CSPG4: variants seen among roughly 807,000 people sequenced by gnomAD.
The protein encoded by CSPG4 is chondroitin sulfate proteoglycan 4, also known as chondroitin sulfate proteoglycan 4 (melanoma-associated).
A neutral mutation model predicts 139.3 loss-of-function variants in CSPG4; 74 were observed. The ratio of observed to expected loss-of-function variants is 0.53; its 90% CI spans 0.44 to 0.64. The LOEUF (loss-of-function observed/expected upper bound fraction) is 0.64. Among genes scored for constraint, CSPG4 ranks in the 30% least tolerant of loss-of-function variants. The pLI is 0.00. For synonymous variants in CSPG4, 1,234 were observed against 1,394.2 expected, an observed-to-expected ratio of 0.89 and a Z score of 2.56; for missense variants, 2,565 against 3,148.3, an observed-to-expected ratio of 0.81 and a Z score of 4.43.
chr15:75,684,040 C>T (rs1047224021), intron 5 of CSPG4, among the ~76,000 whole-genome samples: 3 of 151,756 alleles, frequency 2.0e-5, no homozygotes, highest in Admixed American at 6.6e-5. Context: ...CCCCCACCCC[C>T]GCCCCAGGCA....
At position 75,689,498 on chromosome 15, in the gene CSPG4, A is replaced by T; in HGVS notation, c.1567T>A (p.Ser523Thr). Reference protein sequence around the residue: ...DTSDQLVLEVSVTARVPMPSC... With the variant: ...DTSDQLVLEVTVTARVPMPSC... ...GGCATGGGCACCCGAGCCGTCACCGACACCTCCAGCACCAGCTGGTCGGAG... is the reference window on the plus strand; with the variant it reads ...GGCATGGGCACCCGAGCCGTCACCGTCACCTCCAGCACCAGCTGGTCGGAG... The change falls in exon 3 of 10, where the codon TCG (serine) becomes ACG (threonine). Residue 523 changes from serine to threonine, a missense_variant. Coordinates refer to ENST00000308508, the MANE Select transcript of CSPG4 (RefSeq NM_001897.5). 6.2e-7 allele frequency: 1 copy of T among 1,612,578 alleles called. No individual in the cohort carries two copies. Among genetic ancestry groups the T allele is most frequent in the Non-Finnish European group, 8.5e-7 (1 of 1,179,832 alleles).
At chr15:75,712,214 C>G (rs58175618) in intron 1 of CSPG4, among the ~76,000 whole-genome samples, 1 of 148,694 alleles carries the variant, frequency 6.7e-6, no homozygotes, top group Non-Finnish European at 1.5e-5. Flanking sequence ...GCTCATTCCT[C>G]GTTTCCCACC....
chr15:75,683,035 C>T lies in CSPG4; in HGVS notation c.4456G>A (p.Glu1486Lys). The T allele has an allele frequency of 3.1e-6, 5 of 1,609,692 alleles. No individual in the cohort carries two copies. Among genetic ancestry groups the T allele is most frequent in the Admixed American group, 1.7e-5 (1 of 59,956 alleles). ...LTTNTGLQMW[E>K]GATAPIPAEA... ...GCAGGGATGGGCGCAGTGGCCCCCT[C>T]CCACATCTGGGAACACAGGCCTGTG... Residue 1486 changes from glutamate to lysine, a missense_variant, in exon 6 of 10, where the codon GAG (glutamate) becomes AAG (lysine). By Grantham distance (56) the Glu-to-Lys change is moderately conservative. Around this residue, in one of 5 missense-constraint regions of CSPG4, gnomAD observed 2,316 missense variants for 2,818.2 expected, o/e 0.82. Coordinates refer to ENST00000308508, the MANE Select transcript of CSPG4 (RefSeq NM_001897.5).
intron 1 of CSPG4, among the ~76,000 whole-genome samples, chr15:75,710,115 A>T (rs981377075): frequency 1.3e-5 from 2 of 151,930 alleles, no homozygotes; most frequent in Non-Finnish European, 2.9e-5. Flanking sequence ...AGATACCCCC[A>T]TCAGTTCTGA....
chr15:75,676,545 C>T lies in CSPG4; in HGVS notation c.5974G>A (p.Val1992Met). 1 of 1,613,762 alleles carries T rather than the reference C, an allele frequency of 6.2e-7. No individual in the cohort carries two copies. The highest frequency in any genetic ancestry group is 8.5e-7 in the Non-Finnish European group (1 of 1,179,974). ...IQGPQYGHLL[V>M]GGRPTSAFSQ... ...AAGGCCGAGGTGGGCCGCCCGCCCA[C>T]CAGGAGATGCCCATACTGGGGTCCC... The change falls in exon 10 of 10, where the codon GTG becomes ATG. Residue 1992 changes from valine to methionine, a missense_variant. Val to Met is a conservative substitution (Grantham distance 21). Coordinates refer to ENST00000308508, the MANE Select transcript of CSPG4 (RefSeq NM_001897.5).
rs1255720907 is a variant in CSPG4, at chr15:75,692,556, G to A, written c.252+514C>T. ...TGAAATGGAAAAATGAGGAAGCTGAGGCAGTACTGGTGCTGTTACTGTCGT... is the reference window on the plus strand; with the variant it reads ...TGAAATGGAAAAATGAGGAAGCTGAAGCAGTACTGGTGCTGTTACTGTCGT... On this transcript the variant is annotated intron_variant, in intron 2 of 9. Coordinates refer to ENST00000308508, the MANE Select transcript of CSPG4 (RefSeq NM_001897.5). Among the ~76,000 whole-genome samples, 61 of 152,354 alleles carry A rather than the reference G, an allele frequency of 4.0e-4. 1 individual carries two copies. Among genetic ancestry groups the A allele is most frequent in the African/African-American group, 1.4e-3 (60 of 41,588 alleles).
chr15:75,690,540 G>C lies in CSPG4; in HGVS notation c.525C>G (p.Leu175=). ...GAGGCCGGAGGAGGCTGCGGCCATT[G>C]AGGGTGGCTGCATGGAGGCAACCCC... ...PLRGCLHAAT[L]NGRSLLRPLT... Residue 175 remains leucine (L), a synonymous_variant, in exon 3 of 10, where the codon CTC becomes CTG. Transcript: ENST00000308508. 6.2e-7 allele frequency: 1 copy of C among 1,609,600 alleles called. No homozygotes were observed. Among genetic ancestry groups the C allele is most frequent in the South Asian group, 1.1e-5 (1 of 90,868 alleles).
At chr15:75,700,405 G>A (rs1169182191) in intron 1 of CSPG4, among the ~76,000 whole-genome samples, 2 of 152,326 alleles carry the variant, frequency 1.3e-5, no homozygotes, top group East Asian at 3.9e-4. Flanking sequence ...CAGCGAGGAG[G>A]GGAGGGAAGC....
chr15:75,703,795 T>C (rs1894335052), intron 1 of CSPG4, among the ~76,000 whole-genome samples: 1 of 135,390 alleles, frequency 7.4e-6, no homozygotes, highest in African/African-American at 2.9e-5. Context: ...GTAGGGGCTG[T>C]GGGGTAACCG....
rs1398505719 is a variant in CSPG4 at position 75,677,347 on chromosome 15, G to A, written c.5172C>T (p.Thr1724=). Residue 1724 remains threonine (T), a synonymous_variant, in exon 10 of 10, where the codon ACC becomes ACT. Coordinates refer to ENST00000308508, the MANE Select transcript of CSPG4 (RefSeq NM_001897.5). ...GATTGGAGGCATCCAGAGCAGCCAC[G>A]GTGATCCTGGCCCGCTGGCCCTCGG... ...WVPEGQRARI[T]VAALDASNLL... 12 of 1,412,350 alleles carry A rather than the reference G, an allele frequency of 8.5e-6. No homozygotes were observed. The highest frequency in any genetic ancestry group is 6.2e-5 in the Admixed American group (2 of 32,174). 87.5% of individuals were successfully genotyped at this position (1,412,350 alleles called of 1,614,324 possible).
chr15:75,712,442 T>A (rs1419757546), intron 1 of CSPG4, among the ~76,000 whole-genome samples: 3 of 152,104 alleles, frequency 2.0e-5, no homozygotes, highest in Non-Finnish European at 2.9e-5. Context: ...CTCCCGCCCC[T>A]AACTGGACAG....
intron 1 of CSPG4, among the ~76,000 whole-genome samples, chr15:75,702,019 A>G (rs1040937819): frequency 8.5e-5 from 13 of 152,198 alleles, no homozygotes; most frequent in Non-Finnish European, 1.5e-4. Flanking sequence ...GCGGCTGGCC[A>G]CCGTCCTCGG....
At position 75,696,717 on chromosome 15, in the gene CSPG4, C is replaced by T. The variant is rs1022882351; in HGVS notation, c.89-3484G>A. Among the ~76,000 whole-genome samples, 7 of 152,144 alleles carry T rather than the reference C, an allele frequency of 4.6e-5. No individual in the cohort carries two copies. Among genetic ancestry groups the T allele is most frequent in the Admixed American group, 2.0e-4 (3 of 15,284 alleles). On this transcript the variant is annotated intron_variant, in intron 1 of 9. Transcript: ENST00000308508. The surrounding 1 kb of genome is among the most constrained non-coding windows in gnomAD (Gnocchi z 4.2). Reference sequence around the variant, plus strand: ...TGGGTACATCCTCAGGCTTCCCACCCTTCCTCCCCATAAACAGGGCACTGC... The same window carrying T: ...TGGGTACATCCTCAGGCTTCCCACCTTTCCTCCCCATAAACAGGGCACTGC...
chr15:75,689,989 CTG>C lies in CSPG4; in HGVS notation c.1074_1075del (p.Ser359CysfsTer29). ...CAGCCCCCGCCTCTGGCCATTGACA[CTG>C]AGGTCTTCCATGCAGCCCAGCAGGG... On this transcript the variant is annotated frameshift_variant, in exon 3 of 10. Transcript: ENST00000308508. LOFTEE classifies it high-confidence loss of function. 2 of 1,612,114 alleles carry C rather than the reference CTG, an allele frequency of 1.2e-6. No individual in the cohort carries two copies. Among genetic ancestry groups the C allele is most frequent in the Non-Finnish European group, 1.7e-6 (2 of 1,179,632 alleles).
rs1173144026 is a variant in CSPG4 at position 75,688,808 on chromosome 15, A to C, written c.2257T>G (p.Tyr753Asp). The C allele has an allele frequency of 1.9e-6, 3 of 1,612,888 alleles. No individual in the cohort carries two copies. Among genetic ancestry groups the C allele is most frequent in the Non-Finnish European group, 2.5e-6 (3 of 1,179,924 alleles). Reference sequence around the variant, plus strand: ...AGGGCCAGGTTCTCCACGGTGTCGTAAGCGTGGTGCTGTGGGTCAGTGCTC... The same window carrying C: ...AGGGCCAGGTTCTCCACGGTGTCGTCAGCGTGGTGCTGTGGGTCAGTGCTC... ...YLSTDPQHHA[Y>D]DTVENLALEV... The change falls in exon 3 of 10, where the codon TAC (tyrosine) becomes GAC (aspartate). Residue 753 changes from tyrosine to aspartate, a missense_variant. Transcript: ENST00000308508.
intron 2 of CSPG4, 142 bp from the exon 3 acceptor site, chr15:75,690,954 C>A (rs980386476): frequency 3.7e-5 from 32 of 865,392 alleles, no homozygotes; most frequent in Non-Finnish European, 5.1e-5. Flanking sequence ...GCAGGCGGAT[C>A]ACCTGAGGTT....
At chr15:75,711,153 G>T (rs1443324294) in intron 1 of CSPG4, among the ~76,000 whole-genome samples, 1 of 150,904 alleles carries the variant, frequency 6.6e-6, no homozygotes, top group Non-Finnish European at 1.5e-5. Flanking sequence ...ACCAAGGCTT[G>T]GTTTGAGGCC....
Position 75,694,148 on chromosome 15 carries a change from G to A in CSPG4, c.89-915C>T, listed in dbSNP as rs866669907. On this transcript the variant is annotated intron_variant, in intron 1 of 9. Coordinates refer to ENST00000308508, the MANE Select transcript of CSPG4 (RefSeq NM_001897.5). ...AGGCTGAAGACAGGGCTTGGGAGGG[G>A]CTGAGGGTCTGCTGGGCAGGCCAAA... Among the ~76,000 whole-genome samples, 6 of 152,356 alleles carry A rather than the reference G, an allele frequency of 3.9e-5. 1 individual carries two copies. The Middle Eastern group carries it at 0.014, about 348-fold the overall frequency.
rs150737913 is a variant in CSPG4 at position 75,688,134 on chromosome 15, G to A, written c.2931C>T (p.Ser977=). The A allele has an allele frequency of 1.5e-4, 237 of 1,612,718 alleles. No individual in the cohort carries two copies. The highest frequency in any genetic ancestry group is 1.8e-4 in the Non-Finnish European group (208 of 1,179,878). The change falls in exon 3 of 10, where the codon TCC becomes TCT. Residue 977 remains serine (S), a synonymous_variant. Coordinates refer to ENST00000308508, the MANE Select transcript of CSPG4 (RefSeq NM_001897.5). ...ATGGGATATCATCTTCTGTGGTCTC[G>A]GAGTCATCATGCTGGTAGACCAGCC... The part of the protein sequence containing the change: ...RGRLVYQHDD[S]ETTEDDIPFV...
Sources: allele counts gnomAD v4.1 joint callset (sites outside exome capture counted in the v4.1 genomes callset), GRCh38; gene constraint gnomAD v4.1.1; regional missense constraint gnomAD v4.1.1; non-coding constraint Gnocchi (gnomAD v3.1); transcripts MANE v1.5; gene names NCBI Gene and HGNC (gene_info 2026-07-23, HGNC 2026-07-21).